The following SMC1B variants were observed in gnomAD, a reference collection of about 807,000 sequenced individuals.
SMC1B encodes structural maintenance of chromosomes protein 1B.
SMC1B carries 60 observed loss-of-function variants against 157.9 expected under a neutral mutation model. The ratio of observed to expected loss-of-function variants is 0.38; its 90% CI spans 0.31 to 0.47. The LOEUF is 0.47. SMC1B is among the 20% of genes least tolerant of loss of function. The pLI, the probability that SMC1B is intolerant of heterozygous loss-of-function variation, is 0.99. For missense variants in SMC1B, 1,165 were observed against 1,426.2 expected (o/e 0.82, Z 2.95); for synonymous variants, 445 against 483.0 (o/e 0.92, Z 1.03).
chr22:45,368,709 G>T (rs1414746532), intron 15 of SMC1B, among the ~76,000 whole-genome samples: 1 of 134,644 alleles, frequency 7.4e-6, no homozygotes, highest in Non-Finnish European at 1.5e-5. Flanking sequence ...TAGTGATGGG[G>T]TTTTACCATC....
chr22:45,363,162 T>C, intron 15 of SMC1B, 136 bp from the exon 16 acceptor site: 1 of 596,930 alleles, frequency 1.7e-6, no homozygotes, highest in South Asian at 2.6e-5. Flanking sequence ...TCACCCAACT[T>C]AATAATTATC....
Position 45,371,645 on chromosome 22 carries a change from G to A in SMC1B, c.2197-58C>T, listed in dbSNP as rs1385902913. 5 of 1,523,578 alleles carry A rather than the reference G, an allele frequency of 3.3e-6. No individual in the cohort carries two copies. In the African/African-American group the frequency reaches 5.7e-5, roughly 17 times the overall value. The allele number at this position is 1,523,578 out of a possible 1,614,324, so 94.4% of individuals were successfully genotyped here. On this transcript the variant is annotated intron_variant, in intron 13 of 24. Coordinates refer to ENST00000357450, the MANE Select transcript of SMC1B (RefSeq NM_148674.5). ...GGCTGTTTTAGCTTTATATAGTGAA[G>A]CCAAAAATGTGATAGGTATCTTTTG...
Position 45,394,737 on chromosome 22 carries a change from C to G in SMC1B, c.1285G>C (p.Glu429Gln). 1.3e-6 allele frequency: 2 copies of G among 1,556,426 alleles called. No homozygotes were observed. Among genetic ancestry groups the G allele is most frequent in the Non-Finnish European group, 1.7e-6 (2 of 1,144,776 alleles). The change falls in exon 8 of 25, where the codon GAA becomes CAA. Residue 429 changes from glutamate to glutamine, a missense_variant. Glu to Gln is a conservative substitution (Grantham distance 29, BLOSUM62 2). Transcript: ENST00000357450. ...GNLKQIKEQI[E>Q]DHKKRIEKLE... ...TTCTCTATTCGTTTTTTATGATCTT[C>G]TATTTGTTCTTTTATTTGTTTTAGA...
intron 23 of SMC1B, among the ~76,000 whole-genome samples, chr22:45,347,608 C>A (rs918155139): frequency 2.0e-5 from 3 of 152,018 alleles, no homozygotes; most frequent in Admixed American, 6.6e-5. Flanking sequence ...CAATTTATTT[C>A]TTTTTTTCTT....
intron 1 of SMC1B, among the ~76,000 whole-genome samples, chr22:45,412,260 G>C (rs1055075934): frequency 1.3e-5 from 2 of 151,474 alleles, no homozygotes; most frequent in African/African-American, 4.9e-5. Context: ...GAGTGCGGTG[G>C]TGCTATCTTG....
intron 12 of SMC1B, among the ~76,000 whole-genome samples, chr22:45,373,352 C>T (rs980501226): frequency 2.0e-5 from 3 of 152,194 alleles, no homozygotes; most frequent in African/African-American, 7.2e-5. Flanking sequence ...AAATTACTTT[C>T]TCCAGATGTG....
At chr22:45,396,678 ATTATTTAT>A (rs71190663) in intron 6 of SMC1B, among the ~76,000 whole-genome samples, 192 bp from the exon 7 acceptor site, 1 of 151,854 alleles carries the variant, frequency 6.6e-6, no homozygotes, top group Non-Finnish European at 1.5e-5. Flanking sequence ...AAAACTGTTT[ATTATTTAT>A]TTATTTATTT....
At position 45,363,001 on chromosome 22, in the gene SMC1B, G is replaced by A. The variant is rs1266552589; in HGVS notation, c.2446C>T (p.Arg816Trp). 1.3e-6 allele frequency: 2 copies of A among 1,586,364 alleles called. No individual in the cohort carries two copies. The highest frequency in any genetic ancestry group is 1.2e-5 in the South Asian group (1 of 84,924). The change falls in exon 16 of 25, where the codon CGG becomes TGG. Residue 816 changes from arginine (R) to tryptophan (W), a missense_variant. Coordinates refer to ENST00000357450, the MANE Select transcript of SMC1B (RefSeq NM_148674.5). The stretch of plus-strand genomic sequence containing the variant: ...CTATACTCAAGTTGAACATTAAGCC[G>A]AGTTTTTTGTTTTTCAAATTCTAAT... ...KRLEFEKQKT[R>W]LNVQLEYSRS...
At chr22:45,348,821 C>T (rs1345498590) in intron 23 of SMC1B, among the ~76,000 whole-genome samples, 1 of 151,478 alleles carries the variant, frequency 6.6e-6, no homozygotes, top group African/African-American at 2.4e-5. Flanking sequence ...ACCTCAGCCT[C>T]TTGAGTAGCT....
chr22:45,390,883 G>A (rs1356979243), intron 9 of SMC1B, among the ~76,000 whole-genome samples: 1 of 152,020 alleles, frequency 6.6e-6, no homozygotes, highest in East Asian at 1.9e-4. Flanking sequence ...TTGTATCTTT[G>A]GACTCTTTCC....
At chr22:45,348,717 TG>T (rs2086576646) in intron 23 of SMC1B, among the ~76,000 whole-genome samples, 1 of 35,928 alleles carries the variant, frequency 2.8e-5, no homozygotes, top group African/African-American at 1.5e-4. Context: ...TCAAAAGGAC[TG>T]TTTTTTTTGT....
At chr22:45,413,332 C>A (rs1336609441) in intron 1 of SMC1B, 127 bp downstream of exon 1, 2 of 696,652 alleles carry the variant, frequency 2.9e-6, no homozygotes, top group Non-Finnish European at 4.8e-6. Context: ...CGCGGTCAGG[C>A]TCCGGGACTG....
rs200323510 is a variant in SMC1B at position 45,372,203 on chromosome 22, T to C, written c.2148A>G (p.Gln716=). ...QGTQTRLKYS[Q]NELEMIKKKH... Reference sequence around the variant, plus strand: ...TCTTCTTAATCATCTCTAGTTCATTTTGTGAATATTTGAGTCGTGTTTGAG... The same window carrying C: ...TCTTCTTAATCATCTCTAGTTCATTCTGTGAATATTTGAGTCGTGTTTGAG... The change falls in exon 13 of 25, where the codon CAA becomes CAG. Residue 716 remains glutamine, a synonymous_variant. Coordinates refer to ENST00000357450, the MANE Select transcript of SMC1B (RefSeq NM_148674.5). 451 of 1,612,556 alleles carry C rather than the reference T, an allele frequency of 2.8e-4. 3 individuals are homozygous for C. The Middle Eastern group carries it at 7.8e-3, about 28-fold the overall frequency.
At chr22:45,374,744 A>G (rs1025663231) in intron 12 of SMC1B, among the ~76,000 whole-genome samples, 1 of 152,196 alleles carries the variant, frequency 6.6e-6, no homozygotes, top group Non-Finnish European at 1.5e-5. Context: ...TTATACACAT[A>G]AGCCACTTTC....
intron 1 of SMC1B, 24 bp from the exon 2 acceptor site, chr22:45,408,922 A>T (rs555236924): frequency 7.2e-7 from 1 of 1,394,794 alleles, no homozygotes. Context: ...GAGATAAAAC[A>T]TTATTCATTC....
rs1395834085 is a variant in SMC1B at position 45,353,904 on chromosome 22, A to AC, written c.3273+73_3273+74insG. ...TGGTTATTTCCCACCAAAAAAAAAA[A>AC]AAAAAAAAAAAAAAAACAACCACCA... On this transcript the variant is annotated intron_variant, in intron 21 of 24. Transcript: ENST00000357450. The AC allele has an allele frequency of 2.2e-5, 14 of 626,734 alleles. No homozygotes were observed. The East Asian group carries it at 4.7e-4, about 21-fold the overall frequency. 38.8% of individuals were successfully genotyped at this position (626,734 alleles called of 1,614,324 possible).
At position 45,374,894 on chromosome 22, in the gene SMC1B, G is replaced by A. The variant is rs563198206; in HGVS notation, c.2059-2602C>T. 3.3e-3 allele frequency among the ~76,000 whole-genome samples: 498 copies of A among 152,034 alleles called. 1 individual carries two copies. The highest frequency in any genetic ancestry group is 6.8e-3 in the Middle Eastern group (2 of 294). ...GAAAATCAGCTTTCCTAGTAACTTG[G>A]AACCTACTCATCTAGAAATAAACCA... On this transcript the variant is annotated intron_variant, in intron 12 of 24. Transcript: ENST00000357450.
At chr22:45,410,575 C>T (rs894415623) in intron 1 of SMC1B, among the ~76,000 whole-genome samples, 5 of 152,168 alleles carry the variant, frequency 3.3e-5, no homozygotes, top group East Asian at 1.9e-4. Flanking sequence ...TGGTGGCGTG[C>T]GCCTGTAATC....
At chr22:45,368,340 G>A (rs1203893393) in intron 15 of SMC1B, among the ~76,000 whole-genome samples, 1 of 151,386 alleles carries the variant, frequency 6.6e-6, no homozygotes, top group Non-Finnish European at 1.5e-5. Flanking sequence ...ACTAGATAAT[G>A]GTACATTATT....
Sources: gnomAD v4.1 joint callset for allele counts (sites outside exome capture counted in the v4.1 genomes callset) on GRCh38, gnomAD v4.1.1 for gene constraint, MANE v1.5 for transcripts, NCBI Gene and HGNC (gene_info 2026-07-23, HGNC 2026-07-21) for gene names.